Variants in NAV2 observed in about 807,000 individuals in gnomAD.
NAV2 encodes the protein helicase, APC down-regulated 1.
Under a neutral mutation model 223.2 loss-of-function variants are expected in NAV2, and 54 were observed. The ratio of observed to expected loss-of-function variants is 0.24; its 90% CI spans 0.19 to 0.30. The LOEUF is 0.30. Ranked by LOEUF, NAV2 falls within the 10% of genes least tolerant of loss-of-function variation. The pLI, the probability that NAV2 is intolerant of heterozygous loss-of-function variation, is 1.00. For synonymous variants in NAV2, 1,279 were observed against 1,239.3 expected, an observed-to-expected ratio of 1.03 and a Z score of -0.67; for missense variants, 2,806 against 3,147.5, an observed-to-expected ratio of 0.89 and a Z score of 2.60.
chr11:19,728,837 C>G (rs921979614), intron 1 of NAV2, among the ~76,000 whole-genome samples: 1 of 152,142 alleles, frequency 6.6e-6, no homozygotes, highest in African/African-American at 2.4e-5. Flanking sequence ...TGGCAGTGCT[C>G]TATTATATTA....
rs760583452 is a variant in NAV2, at chr11:19,478,240, G to C, written c.75+127213G>C. ...AGGTGAGATTCAAATATGGGCAGCA[G>C]AAGAGAAGGGCGGAGAAAATTGCAC... is the stretch of plus-strand genomic sequence containing the variant. On this transcript the variant is annotated intron_variant, in intron 1 of 37. Coordinates refer to the NAV2 transcript ENST00000360655. Among the ~76,000 whole-genome samples, 11 of 152,284 alleles carry C rather than the reference G, an allele frequency of 7.2e-5. No individual in the cohort carries two copies. In the South Asian group the frequency reaches 2.3e-3, roughly 32 times the overall value.
chr11:19,368,572 T>C (rs1189859662), intron 1 of NAV2, among the ~76,000 whole-genome samples: 1 of 152,138 alleles, frequency 6.6e-6, no homozygotes, highest in African/African-American at 2.4e-5. Context: ...ATAATGTTGT[T>C]ATGAGGATTA....
intron 1 of NAV2, among the ~76,000 whole-genome samples, chr11:19,470,220 T>C (rs1421201724): frequency 1.3e-5 from 2 of 152,212 alleles, no homozygotes; most frequent in African/African-American, 2.4e-5. Context: ...TCCAGTAACA[T>C]TCCTGTACTA....
chr11:19,397,396 A>AGTGT lies in NAV2; in HGVS notation c.75+46389_75+46392dup, dbSNP rs1554919830. ...GTGTAGAGAATTGGATTCTCTGGGG[A>AGTGT]GTGTGTGTGTGTGTGTGTGTGTGCG... On this transcript the variant is annotated intron_variant, in intron 1 of 37. Transcript: ENST00000360655. Among the ~76,000 whole-genome samples, 1,359 of 143,888 alleles carry AGTGT rather than the reference A, an allele frequency of 9.4e-3. 21 individuals carry two copies. Among genetic ancestry groups the AGTGT allele is most frequent in the African/African-American group, 0.031 (1,189 of 38,382 alleles). The allele number at this position is 143,888 out of a possible 152,430, so 94.4% of individuals were successfully genotyped here.
At chr11:19,566,555 C>T (rs1427638492) in intron 1 of NAV2, among the ~76,000 whole-genome samples, 1 of 152,180 alleles carries the variant, frequency 6.6e-6, no homozygotes, top group African/African-American at 2.4e-5. Context: ...TTCTTTGTGT[C>T]ATTTTGGCAG....
At chr11:19,853,128 C>T (rs2061237058) in intron 3 of NAV2, among the ~76,000 whole-genome samples, 2 of 152,298 alleles carry the variant, frequency 1.3e-5, no homozygotes, top group South Asian at 4.1e-4. Flanking sequence ...TGCTGGACCC[C>T]ATCCCCAGAG....
intron 1 of NAV2, among the ~76,000 whole-genome samples, chr11:19,531,293 T>G (rs2044021682): frequency 6.6e-6 from 1 of 151,960 alleles, no homozygotes; most frequent in African/African-American, 2.4e-5. Flanking sequence ...TGAACCAGAG[T>G]AAGGAGGCAG....
intron 1 of NAV2, among the ~76,000 whole-genome samples, chr11:19,433,741 G>T (rs1851115863): frequency 6.6e-6 from 1 of 152,234 alleles, no homozygotes; most frequent in South Asian, 2.1e-4. Flanking sequence ...ACTTCTTGCA[G>T]TTGTGACCAC....
intron 2 of NAV2, among the ~76,000 whole-genome samples, chr11:19,839,706 A>C (rs1043463702): frequency 6.6e-6 from 1 of 152,244 alleles, no homozygotes; most frequent in African/African-American, 2.4e-5. Context: ...CCTTTAATGA[A>C]GTCTTTTGAA....
At chr11:19,714,262 G>A (rs1294747677) in intron 1 of NAV2, 3 of 622,282 alleles carry the variant, frequency 4.8e-6, no homozygotes, top group Non-Finnish European at 9.0e-6. Flanking sequence ...CGTGTGCATC[G>A]CTGGAAATGT....
intron 10 of NAV2, among the ~76,000 whole-genome samples, chr11:19,961,978 G>A (rs1012511068): frequency 2.6e-5 from 4 of 151,778 alleles, no homozygotes; most frequent in African/African-American, 9.7e-5. Flanking sequence ...GTGGGTATGG[G>A]TGTATGCATG....
At chr11:19,367,149 A>G (rs1207368952) in intron 1 of NAV2, among the ~76,000 whole-genome samples, 1 of 152,202 alleles carries the variant, frequency 6.6e-6, no homozygotes, top group African/African-American at 2.4e-5. Flanking sequence ...CAATGTTCTC[A>G]CAGCCTCTGA....
intron 1 of NAV2, among the ~76,000 whole-genome samples, chr11:19,639,081 T>G (rs2047584472): frequency 6.6e-6 from 1 of 152,238 alleles, no homozygotes; most frequent in Non-Finnish European, 1.5e-5. Flanking sequence ...ACTGCTATCC[T>G]TAGAAAGTCC....
intron 1 of NAV2, among the ~76,000 whole-genome samples, chr11:19,442,924 G>C (rs1218624060): frequency 2.0e-5 from 3 of 152,210 alleles, no homozygotes; most frequent in African/African-American, 7.2e-5. Context: ...ACCATCGGGA[G>C]AAATGTGGTC....
At chr11:19,509,713 A>G (rs2043218106) in intron 1 of NAV2, among the ~76,000 whole-genome samples, 1 of 152,178 alleles carries the variant, frequency 6.6e-6, no homozygotes, top group Non-Finnish European at 1.5e-5. Flanking sequence ...AGATTTCATC[A>G]ATGTTTCCCC....
intron 1 of NAV2, among the ~76,000 whole-genome samples, chr11:19,589,398 A>G (rs930235018): frequency 1.3e-5 from 2 of 152,194 alleles, no homozygotes; most frequent in Non-Finnish European, 2.9e-5. Flanking sequence ...ATTCGGAGTG[A>G]TCTGTGCTGT....
intron 1 of NAV2, among the ~76,000 whole-genome samples, chr11:19,531,141 T>C (rs1019741249): frequency 5.9e-5 from 9 of 152,208 alleles, no homozygotes; most frequent in Non-Finnish European, 1.3e-4. Flanking sequence ...TAGACTATGC[T>C]AGAGAGTAGG....
chr11:19,610,121 A>C (rs993909143), intron 1 of NAV2, among the ~76,000 whole-genome samples: 2 of 152,212 alleles, frequency 1.3e-5, no homozygotes, highest in Admixed American at 6.5e-5. Context: ...GACAGCAATC[A>C]TATCCCCAGG....
intron 16 of NAV2, among the ~76,000 whole-genome samples, chr11:20,050,723 T>A (rs1219377624): frequency 6.6e-6 from 1 of 152,222 alleles, no homozygotes; most frequent in Admixed American, 6.5e-5. Context: ...CACCCAGGAC[T>A]CAGCTCCTAG....
Sources: gnomAD v4.1 joint callset for allele counts (sites outside exome capture counted in the v4.1 genomes callset) on GRCh38, gnomAD v4.1.1 for gene constraint, MANE v1.5 for transcripts, NCBI Gene and HGNC (gene_info 2026-07-23, HGNC 2026-07-21) for gene names.